Variants in IQCM observed in about 807,000 individuals in gnomAD.
IQCM encodes the protein IQ domain-containing protein M.
IQCM carries 45 observed loss-of-function variants against 57.6 expected under a neutral mutation model. The ratio of observed to expected loss-of-function variants is 0.78; its 90% CI spans 0.62 to 1.00. The LOEUF (loss-of-function observed/expected upper bound fraction) is 1.00. Ranked by LOEUF, IQCM falls within the 50% of genes least tolerant of loss-of-function variation. IQCM has a pLI of 0.00. For missense variants in IQCM, 468 were observed against 511.6 expected, an observed-to-expected ratio of 0.91 and a Z score of 0.82; for synonymous variants, 148 against 158.9, an observed-to-expected ratio of 0.93 and a Z score of 0.51.
chr4:149,630,240 C>T (rs192620715), intron 7 of IQCM, among the ~76,000 whole-genome samples: 6 of 152,316 alleles, frequency 3.9e-5, no homozygotes, highest in Admixed American at 3.9e-4. Flanking sequence ...TGTCAGGAAG[C>T]ACTCTGCCAA....
chr4:149,570,578 G>GA (rs376462431), intron 9 of IQCM, among the ~76,000 whole-genome samples: 21 of 152,040 alleles, frequency 1.4e-4, no homozygotes, highest in Middle Eastern at 6.8e-3. Context: ...TAACCTCAAT[G>GA]AAAAAACTGA....
At chr4:149,740,260 G>T (rs1488225905) in intron 3 of IQCM, among the ~76,000 whole-genome samples, 1 of 152,178 alleles carries the variant, frequency 6.6e-6, no homozygotes, top group East Asian at 1.9e-4. Context: ...CCTGACAGGT[G>T]TAACAAAAGC....
In IQCM at chr4:149,399,090, A is replaced by G. The variant is rs541205780; in HGVS notation, c.1390+34306T>C. ...TATTTCCAATCTTTTGCTGTTACAA[A>G]TAATGACATAGTAAATAAACTTGTG... On this transcript the variant is annotated intron_variant, in intron 13 of 13. Transcript: ENST00000636793. Among the ~76,000 whole-genome samples, 8 of 152,186 alleles carry G rather than the reference A, an allele frequency of 5.3e-5. No individual in the cohort carries two copies. In the South Asian group the frequency reaches 1.2e-3, roughly 24 times the overall value.
intron 2 of IQCM, among the ~76,000 whole-genome samples, chr4:149,795,937 T>C (rs1773069634): frequency 6.6e-6 from 1 of 152,152 alleles, no homozygotes; most frequent in African/African-American, 2.4e-5. Flanking sequence ...CCCAGGAACT[T>C]CATTGAGGGT....
intron 2 of IQCM, among the ~76,000 whole-genome samples, chr4:149,750,258 G>A (rs1768306578): frequency 6.6e-6 from 1 of 152,118 alleles, no homozygotes; most frequent in Non-Finnish European, 1.5e-5. Flanking sequence ...CCAAAAACTG[G>A]TTTCAGAAAA....
chr4:149,732,019 T>C (rs1424825204), intron 5 of IQCM, among the ~76,000 whole-genome samples: 2 of 152,128 alleles, frequency 1.3e-5, no homozygotes, highest in Non-Finnish European at 2.9e-5. Flanking sequence ...CTGTCATCTC[T>C]CACCTGGACA....
At chr4:149,644,058 A>G (rs1297422836) in intron 7 of IQCM, among the ~76,000 whole-genome samples, 8 of 152,210 alleles carry the variant, frequency 5.3e-5, no homozygotes, top group Non-Finnish European at 8.8e-5. Flanking sequence ...ATGCTCCAAG[A>G]AACAGCTCGG....
intron 2 of IQCM, among the ~76,000 whole-genome samples, chr4:149,757,525 T>A (rs559301336): frequency 6.6e-6 from 1 of 151,856 alleles, no homozygotes; most frequent in African/African-American, 2.4e-5. Flanking sequence ...ACAAAAAAAT[T>A]TGTAGCAATA....
chr4:149,379,134 G>A (rs1199599111), intron 13 of IQCM, among the ~76,000 whole-genome samples: 1 of 152,210 alleles, frequency 6.6e-6, no homozygotes, highest in Non-Finnish European at 1.5e-5. Context: ...GAGGATGTAT[G>A]GAAACGCCTG....
chr4:149,655,404 C>G (rs1039525775), intron 7 of IQCM, among the ~76,000 whole-genome samples: 19 of 152,070 alleles, frequency 1.2e-4, no homozygotes, highest in Non-Finnish European at 2.8e-4. Flanking sequence ...ACATAGCATG[C>G]ATTTCTGCCA....
chr4:149,512,237 T>C (rs564718063), intron 12 of IQCM, among the ~76,000 whole-genome samples: 31 of 152,224 alleles, frequency 2.0e-4, no homozygotes, highest in African/African-American at 6.7e-4. Flanking sequence ...CTTGGAAAGC[T>C]TAAGTAAGTA....
rs1766747906 is a variant in IQCM, at chr4:149,734,480, A to G, written c.120+896T>C. 2.0e-5 allele frequency among the ~76,000 whole-genome samples: 3 copies of G among 152,208 alleles called. No individual in the cohort carries two copies. The South Asian group carries it at 6.2e-4, about 31-fold the overall frequency. The stretch of plus-strand genomic sequence containing the variant: ...GTTGATTACATGATTAAAAGTATGT[A>G]TGGCCAGTCTTGGCATAAAGGACCA... On this transcript the variant is annotated intron_variant, in intron 4 of 13. Coordinates refer to ENST00000636793, the MANE Select transcript of IQCM (RefSeq NM_001363507.2).
At chr4:149,564,026 T>A in intron 9 of IQCM, 136 bp from the exon 10 acceptor site, 1 of 451,756 alleles carries the variant, frequency 2.2e-6, no homozygotes, top group Non-Finnish European at 3.6e-6. Flanking sequence ...CAATGTATGA[T>A]ATCACCAGGA....
At chr4:149,466,041 A>G (rs914336890) in intron 12 of IQCM, among the ~76,000 whole-genome samples, 4 of 152,220 alleles carry the variant, frequency 2.6e-5, no homozygotes, top group African/African-American at 4.8e-5. Flanking sequence ...AATAGCATTG[A>G]GTAAACTAGA....
chr4:149,792,746 A>G (rs188658231), intron 2 of IQCM, among the ~76,000 whole-genome samples: 1 of 152,324 alleles, frequency 6.6e-6, no homozygotes, highest in African/African-American at 2.4e-5. Flanking sequence ...TCATTGTACT[A>G]TATCATTTCC....
At chr4:149,615,180 T>A (rs1359675378) in intron 8 of IQCM, among the ~76,000 whole-genome samples, 1 of 152,144 alleles carries the variant, frequency 6.6e-6, no homozygotes, top group Non-Finnish European at 1.5e-5. Context: ...ATATGTTCCA[T>A]GATTGCTTCA....
intron 9 of IQCM, among the ~76,000 whole-genome samples, chr4:149,578,372 T>C (rs569106111): frequency 1.3e-5 from 2 of 151,874 alleles, no homozygotes; most frequent in South Asian, 2.1e-4. Flanking sequence ...CTGAAAAATA[T>C]TACCATTGAG....
At chr4:149,569,322 G>T (rs1750935037) in intron 9 of IQCM, among the ~76,000 whole-genome samples, 1 of 152,172 alleles carries the variant, frequency 6.6e-6, no homozygotes, top group Admixed American at 6.5e-5. Flanking sequence ...TGTTTCAGAG[G>T]TAAATTATCT....
At chr4:149,443,316 C>T (rs1016899073) in intron 12 of IQCM, among the ~76,000 whole-genome samples, 1 of 151,988 alleles carries the variant, frequency 6.6e-6, no homozygotes, top group Admixed American at 6.6e-5. Context: ...AAATCATAGT[C>T]TAGTCAAGTT....
Sources: allele counts gnomAD v4.1 joint callset (sites outside exome capture counted in the v4.1 genomes callset), GRCh38; gene constraint gnomAD v4.1.1; transcripts MANE v1.5; gene names NCBI Gene and HGNC (gene_info 2026-07-23, HGNC 2026-07-21).